DYNC2I1: variants seen among roughly 807,000 people sequenced by gnomAD.
The protein encoded by DYNC2I1 is cytoplasmic dynein 2 intermediate chain 1.
A neutral mutation model predicts 133.4 loss-of-function variants in DYNC2I1; 89 were observed. The observed-to-expected ratio is 0.67, with a 90% CI of 0.56 to 0.80. DYNC2I1 has a LOEUF of 0.80. Ranked by LOEUF, DYNC2I1 falls within the 30% of genes least tolerant of loss-of-function variation. The pLI is 0.00. For missense variants in DYNC2I1, 1,291 were observed against 1,314.5 expected, an observed-to-expected ratio of 0.98 and a Z score of 0.28; for synonymous variants, 504 against 484.3, an observed-to-expected ratio of 1.04 and a Z score of -0.54.
chr7:158,889,921 G>A (rs995249612), intron 7 of DYNC2I1, among the ~76,000 whole-genome samples: 3 of 148,414 alleles, frequency 2.0e-5, no homozygotes, highest in Admixed American at 1.4e-4. Context: ...CAGGAAAATC[G>A]CTTGAACCCG....
intron 8 of DYNC2I1, among the ~76,000 whole-genome samples, chr7:158,891,862 G>A (rs575133341): frequency 8.7e-6 from 1 of 114,332 alleles, no homozygotes; most frequent in Non-Finnish European, 2.1e-5. Context: ...TATAAGGGAA[G>A]AATTGCGGAC....
intron 10 of DYNC2I1, chr7:158,904,965 A>G (rs1846616112): frequency 3.6e-6 from 1 of 277,970 alleles, no homozygotes; most frequent in Admixed American, 4.9e-5. Context: ...CAATATCCAA[A>G]AGGAATGAAA....
At chr7:158,878,332 GTGCCGGGC>G (rs1843587830) in intron 4 of DYNC2I1, among the ~76,000 whole-genome samples, 2 of 146,454 alleles carry the variant, frequency 1.4e-5, no homozygotes, top group Admixed American at 6.8e-5. Flanking sequence ...CCGACTGTGA[GTGCCGGGC>G]ACCATGTGGG....
chr7:158,889,036 TACACACACACAC>T (rs71200077), intron 7 of DYNC2I1, among the ~76,000 whole-genome samples: 2 of 141,270 alleles, frequency 1.4e-5, no homozygotes, highest in Non-Finnish European at 3.0e-5. Context: ...TTTAAACATT[TACACACACACAC>T]ACACACACAC....
chr7:158,919,924 G>C (rs549062407), intron 15 of DYNC2I1, among the ~76,000 whole-genome samples: 46 of 152,388 alleles, frequency 3.0e-4, no homozygotes, highest in African/African-American at 1.1e-3. Flanking sequence ...AGATGCATGA[G>C]AGCGGCAGTG....
At chr7:158,846,244 G>A in the DYNC2I1 span, among the ~76,000 whole-genome samples, 1 of 152,112 alleles carries the variant, frequency 6.6e-6, no homozygotes, top group African/African-American at 2.4e-5. Context: ...GGGCAGCAGA[G>A]CAAAACTCCA....
intron 11 of DYNC2I1, among the ~76,000 whole-genome samples, chr7:158,908,710 C>T (rs1178563605): frequency 6.6e-6 from 1 of 152,174 alleles, no homozygotes; most frequent in Non-Finnish European, 1.5e-5. Context: ...CAGAGATTTG[C>T]CGCAGCAGGA....
intron 4 of DYNC2I1, among the ~76,000 whole-genome samples, chr7:158,877,541 G>C (rs760670945): frequency 6.6e-6 from 1 of 152,176 alleles, no homozygotes; most frequent in Non-Finnish European, 1.5e-5. Context: ...TATCATCAGA[G>C]CATAATTCCT....
chr7:158,858,738 A>G (rs961205416), intron 1 of DYNC2I1, among the ~76,000 whole-genome samples: 1 of 151,302 alleles, frequency 6.6e-6, no homozygotes, highest in African/African-American at 2.4e-5. Context: ...GGTTAGGCCT[A>G]CTGTTTCTTG....
At chr7:158,905,180 T>C in intron 10 of DYNC2I1, 1 of 394,738 alleles carries the variant, frequency 2.5e-6, no homozygotes. Context: ...TCACTATGTC[T>C]CCCGTGCTGG....
At chr7:158,863,979 A>C (rs1370665207) in intron 1 of DYNC2I1, among the ~76,000 whole-genome samples, 1 of 74,038 alleles carries the variant, frequency 1.4e-5, no homozygotes, top group Non-Finnish European at 2.5e-5. Flanking sequence ...TGTTGCGGGG[A>C]GCAGGACGTC....
In DYNC2I1 at chr7:158,874,263, A is replaced by G. The variant is rs1056240193; in HGVS notation, c.491-2346A>G. Among the ~76,000 whole-genome samples, 11 of 147,848 alleles carry G rather than the reference A, an allele frequency of 7.4e-5. 1 individual carries two copies. In the East Asian group the frequency reaches 2.2e-3, roughly 30 times the overall value. ...CACTCTGTTCCCCAGGCTGGAGTGC[A>G]GTGGTGTGATCTTGGCTCACTGCAG... is the stretch of plus-strand genomic sequence containing the variant. On this transcript the variant is annotated intron_variant, in intron 3 of 24. Coordinates refer to ENST00000407559, the MANE Select transcript of DYNC2I1 (RefSeq NM_018051.5).
downstream of DYNC2I1, among the ~76,000 whole-genome samples, chr7:158,957,668 C>G (rs117693845): frequency 9.3e-4 from 142 of 152,300 alleles, no homozygotes; most frequent in Non-Finnish European, 1.7e-3. Context: ...CCTGGCAAGC[C>G]TCTGTGATTA....
chr7:158,938,124 A>T (rs187899781), intron 23 of DYNC2I1, among the ~76,000 whole-genome samples: 93 of 152,324 alleles, frequency 6.1e-4, no homozygotes, highest in African/African-American at 2.2e-3. Context: ...AAGGTCAGAG[A>T]ACATCAAACA....
chr7:158,945,873 T>C lies in DYNC2I1; in HGVS notation c.*94T>C. ...ACATTTGTGTGCAAGTATATTTATG[T>C]ATATAGACTATGTATATTCTGTATA... is the stretch of plus-strand genomic sequence containing the variant. On this transcript the variant is annotated 3_prime_UTR_variant, in exon 25 of 25. Transcript: ENST00000407559. This position sits in a 1 kb window ranked among gnomAD's most constrained non-coding sequence, Gnocchi z 4.1. The C allele has an allele frequency of 1.7e-6, 2 of 1,210,890 alleles. No homozygotes were observed. The allele number at this position is 1,210,890 out of a possible 1,614,324, so 75.0% of individuals were successfully genotyped here.
chr7:158,900,731 G>GTTTTTT (rs35689002), intron 8 of DYNC2I1, among the ~76,000 whole-genome samples: 5 of 105,710 alleles, frequency 4.7e-5, no homozygotes, highest in African/African-American at 7.3e-5. Flanking sequence ...ATTTTGTTCT[G>GTTTTTT]TTTTTTTTTT....
chr7:158,851,722 C>G (rs1424049801), upstream of DYNC2I1, among the ~76,000 whole-genome samples: 1 of 152,100 alleles, frequency 6.6e-6, no homozygotes, highest in Non-Finnish European at 1.5e-5. Flanking sequence ...GAAACTGAGT[C>G]AAAGGAAAAG....
In DYNC2I1 at chr7:158,945,698, G is replaced by A. The variant is rs781168936; in HGVS notation, c.3120G>A (p.Ala1040=). 2.0e-5 allele frequency: 32 copies of A among 1,611,340 alleles called. No homozygotes were observed. The highest frequency in any genetic ancestry group is 1.6e-4 in the Middle Eastern group (1 of 6,064). ...TCCAGCACCTGAAGAGGCGGTGGGC[G>A]GCCCCGGAGGTGGACGAGTGCAACA... is the stretch of plus-strand genomic sequence containing the variant. ...IDIQHLKRRW[A]APEVDECNRL... is the part of the protein sequence containing the mutation. Residue 1040 remains alanine (A), a synonymous_variant, in exon 25 of 25, where the codon GCG becomes GCA. Transcript: ENST00000407559. The surrounding 1 kb of genome is among the most constrained non-coding windows in gnomAD (Gnocchi z 4.1).
intron 17 of DYNC2I1, among the ~76,000 whole-genome samples, chr7:158,925,828 AGTT>A (rs1464778071): frequency 6.6e-6 from 1 of 151,732 alleles, no homozygotes; most frequent in Non-Finnish European, 1.5e-5. Flanking sequence ...CCTTCCCCTC[AGTT>A]GTTTGAGTGG....
Sources: gnomAD v4.1 joint callset for allele counts (sites outside exome capture counted in the v4.1 genomes callset) on GRCh38, gnomAD v4.1.1 for gene constraint, Gnocchi (gnomAD v3.1) non-coding constraint, MANE v1.5 for transcripts, NCBI Gene and HGNC (gene_info 2026-07-23, HGNC 2026-07-21) for gene names.